Variants in B3GALT1 observed in about 807,000 individuals in gnomAD.
B3GALT1 encodes UDP-Gal:betaGlcNAc beta 1,3-galactosyltransferase, polypeptide 1.
A neutral mutation model predicts 23.2 loss-of-function variants in B3GALT1; 10 were observed. The observed-to-expected ratio is 0.43, with a 90% CI of 0.27 to 0.73. The LOEUF (loss-of-function observed/expected upper bound fraction) is 0.73, where lower values mean the gene tolerates loss of function less well. Among genes scored for constraint, B3GALT1 ranks in the 30% least tolerant of loss-of-function variants. The pLI is 0.21. For synonymous variants in B3GALT1, 156 were observed against 141.5 expected (o/e 1.10, Z -0.73); for missense variants, 299 against 405.4 (o/e 0.74, Z 2.25).
intron 1 of B3GALT1, among the ~76,000 whole-genome samples, chr2:167,428,436 G>A (rs1180691865): frequency 2.0e-5 from 3 of 152,052 alleles, no homozygotes; most frequent in Non-Finnish European, 4.4e-5. Context: ...GCACTTTGGG[G>A]GGCTGAGGTG....
chr2:167,433,747 A>G (rs890132381), intron 1 of B3GALT1, among the ~76,000 whole-genome samples: 2 of 152,232 alleles, frequency 1.3e-5, no homozygotes, highest in Admixed American at 1.3e-4. Context: ...ATCAGAACAA[A>G]TTAAACGAAA....
rs11890043 is a variant in B3GALT1, at chr2:167,834,379, C to A, written c.-230+15586C>A. 5.6e-3 allele frequency among the ~76,000 whole-genome samples: 845 copies of A among 152,204 alleles called. 14 individuals carry two copies. The highest frequency in any genetic ancestry group is 0.02 in the African/African-American group (816 of 41,528). On this transcript the variant is annotated intron_variant, in intron 4 of 4. Coordinates refer to ENST00000392690, the MANE Select transcript of B3GALT1 (RefSeq NM_020981.4). ...GAATAATGGTTTCCTTATTGTGCATCCTTTGTAAGGTCATAAAATGAGAAG... is the reference window on the plus strand; with the variant it reads ...GAATAATGGTTTCCTTATTGTGCATACTTTGTAAGGTCATAAAATGAGAAG...
chr2:167,665,935 T>C (rs1437615788), intron 3 of B3GALT1, among the ~76,000 whole-genome samples: 4 of 152,224 alleles, frequency 2.6e-5, no homozygotes, highest in Non-Finnish European at 5.9e-5. Context: ...ATTAATTTTT[T>C]GAAGGGCTTT....
rs567198987 is a variant in B3GALT1 at position 167,732,495 on chromosome 2, G to C, written c.-352+85529G>C. On this transcript the variant is annotated intron_variant, in intron 3 of 4. Transcript: ENST00000392690. ...ACCGGAGCCAACATGCAGTGGATAT[G>C]CCACTGGCACAGATTTAACTTCACC... is the stretch of plus-strand genomic sequence containing the variant. Among the ~76,000 whole-genome samples the C allele has an allele frequency of 1.4e-4, 21 of 152,288 alleles. 1 individual carries two copies. In the South Asian group the frequency reaches 3.5e-3, roughly 26 times the overall value.
chr2:167,573,607 G>A (rs370257159), intron 2 of B3GALT1, among the ~76,000 whole-genome samples: 30 of 151,844 alleles, frequency 2.0e-4, no homozygotes, highest in East Asian at 1.4e-3. Context: ...GTGAGTTATT[G>A]TTGAATTGTA....
chr2:167,804,070 A>G (rs1056600755), intron 3 of B3GALT1, among the ~76,000 whole-genome samples: 5 of 152,104 alleles, frequency 3.3e-5, no homozygotes, highest in Non-Finnish European at 5.9e-5. Flanking sequence ...ATCTCGGCAC[A>G]CTGCAACCTC....
At chr2:167,732,568 A>G (rs1687425780) in intron 3 of B3GALT1, among the ~76,000 whole-genome samples, 1 of 152,210 alleles carries the variant, frequency 6.6e-6, no homozygotes. Flanking sequence ...AACCGCTTCC[A>G]TTGTGAGTTC....
intron 3 of B3GALT1, among the ~76,000 whole-genome samples, chr2:167,772,554 A>G (rs1209754563): frequency 6.6e-6 from 1 of 152,202 alleles, no homozygotes; most frequent in East Asian, 1.9e-4. Context: ...CACATGGTTT[A>G]TAGCTTGTAG....
chr2:167,390,753 G>C (rs1196162248), intron 1 of B3GALT1, among the ~76,000 whole-genome samples: 1 of 152,044 alleles, frequency 6.6e-6, no homozygotes, highest in African/African-American at 2.4e-5. Context: ...CTTGAGGGAA[G>C]GTTCTGTGTC....
intron 1 of B3GALT1, among the ~76,000 whole-genome samples, chr2:167,317,994 T>G (rs1251958834): frequency 1.3e-5 from 2 of 152,112 alleles, no homozygotes; most frequent in Non-Finnish European, 2.9e-5. Flanking sequence ...TTATCCCATG[T>G]GACTGATTTT....
At position 167,506,177 on chromosome 2, in the gene B3GALT1, C is replaced by T. The variant is rs149912403; in HGVS notation, c.-410+15900C>T. Among the ~76,000 whole-genome samples the T allele has an allele frequency of 1.3e-3, 199 of 152,318 alleles. 2 individuals carry two copies. The highest frequency in any genetic ancestry group is 4.6e-3 in the African/African-American group (192 of 41,570). ...TTCTCCCTCCTCTGTATACCAACAG[C>T]AAGCATTGCACACCTCTGTTTTCAT... On this transcript the variant is annotated intron_variant, in intron 2 of 4. Coordinates refer to ENST00000392690, the MANE Select transcript of B3GALT1 (RefSeq NM_020981.4).
intron 2 of B3GALT1, among the ~76,000 whole-genome samples, chr2:167,555,022 C>T (rs185647880): frequency 5.9e-5 from 9 of 152,210 alleles, no homozygotes; most frequent in South Asian, 4.1e-4. Context: ...ACAGAAATGA[C>T]GTATGTGCTG....
At chr2:167,524,152 A>G (rs1026455167) in intron 2 of B3GALT1, among the ~76,000 whole-genome samples, 2 of 152,154 alleles carry the variant, frequency 1.3e-5, no homozygotes, top group African/African-American at 4.8e-5. Flanking sequence ...ATTTTTGCCC[A>G]TGAGAAGCAA....
intron 3 of B3GALT1, among the ~76,000 whole-genome samples, chr2:167,780,351 A>G (rs190427168): frequency 9.2e-5 from 14 of 152,340 alleles, no homozygotes; most frequent in Admixed American, 8.5e-4. Flanking sequence ...TGTGCTTTCA[A>G]CAATCAACTT....
At chr2:167,737,316 A>G (rs531657765) in intron 3 of B3GALT1, among the ~76,000 whole-genome samples, 31 of 152,242 alleles carry the variant, frequency 2.0e-4, no homozygotes, top group Non-Finnish European at 3.2e-4. Context: ...ACATAACTAA[A>G]AAGAGCTTGA....
At chr2:167,810,084 AC>A (rs1688851491) in intron 3 of B3GALT1, among the ~76,000 whole-genome samples, 6 of 144,648 alleles carry the variant, frequency 4.1e-5, no homozygotes, top group African/African-American at 1.7e-4. Flanking sequence ...CCCCTGAGCC[AC>A]GCGTGGGATA....
At chr2:167,710,397 AT>A (rs1482923589) in intron 3 of B3GALT1, among the ~76,000 whole-genome samples, 2 of 152,158 alleles carry the variant, frequency 1.3e-5, no homozygotes, top group African/African-American at 4.8e-5. Flanking sequence ...AAAACTTTTC[AT>A]TTTACAGACG....
At position 167,568,518 on chromosome 2, in the gene B3GALT1, C is replaced by T. The variant is rs1468942071; in HGVS notation, c.-410+78241C>T. Among the ~76,000 whole-genome samples, 3 of 152,168 alleles carry T rather than the reference C, an allele frequency of 2.0e-5. No individual in the cohort carries two copies. The East Asian group carries it at 5.8e-4, about 29-fold the overall frequency. On this transcript the variant is annotated intron_variant, in intron 2 of 4. Transcript: ENST00000392690. ...GAGCATCTTTTCATATGCTTAATTG[C>T]TCTTGAATGTCTTCTTTAGTGAGTT...
intron 1 of B3GALT1, among the ~76,000 whole-genome samples, chr2:167,419,266 G>T (rs558497532): frequency 6.6e-6 from 1 of 152,286 alleles, no homozygotes; most frequent in African/African-American, 2.4e-5. Flanking sequence ...CAACTGCAAA[G>T]TTATTTAAAG....
Sources: gnomAD v4.1 joint callset for allele counts (sites outside exome capture counted in the v4.1 genomes callset) on GRCh38, gnomAD v4.1.1 for gene constraint, MANE v1.5 for transcripts, NCBI Gene and HGNC (gene_info 2026-07-23, HGNC 2026-07-21) for gene names.